The following ZNF490 variants were observed in gnomAD, a reference collection of about 807,000 sequenced individuals.
ZNF490 encodes the protein zinc finger protein 490.
In ZNF490, 11 loss-of-function variants were observed where a neutral mutation model predicts 17.7. The observed-to-expected ratio is 0.62, with a 90% confidence interval of 0.39 to 1.03. The LOEUF is 1.03. Among genes scored for constraint, ZNF490 ranks in the 50% least tolerant of loss-of-function variants. ZNF490 has a pLI of 0.00. For synonymous variants in ZNF490, 222 were observed against 216.1 expected, an observed-to-expected ratio of 1.03 and a Z score of -0.24; for missense variants, 542 against 643.4, an observed-to-expected ratio of 0.84 and a Z score of 1.71.
At chr19:12,594,369 G>A (rs953468626) in intron 2 of ZNF490, among the ~76,000 whole-genome samples, 1 of 152,030 alleles carries the variant, frequency 6.6e-6, no homozygotes. Flanking sequence ...TGGAGGCTGA[G>A]GTAGGAGAAT....
intron 1 of ZNF490, 133 bp from the exon 2 acceptor site, chr19:12,609,335 G>C: frequency 1.4e-6 from 1 of 719,016 alleles, no homozygotes. Flanking sequence ...GGTGGATCAT[G>C]GGAGTTTTCA....
rs147000880 is a variant in ZNF490 at position 12,608,457 on chromosome 19, G to GTATTTATT, written c.162+693_162+700dup. Among the ~76,000 whole-genome samples, 16 of 149,672 alleles carry GTATTTATT rather than the reference G, an allele frequency of 1.1e-4. No homozygotes were observed. In the South Asian group the frequency reaches 1.9e-3, roughly 18 times the overall value. On this transcript the variant is annotated intron_variant, in intron 2 of 4. Transcript: ENST00000311437. ...TAATTTTTTATCTTTATTTATTTATGTATTTATTTATTTATTTATTTATTT... is the reference window on the plus strand; with the variant it reads ...TAATTTTTTATCTTTATTTATTTATGTATTTATTTATTTATTTATTTATTTATTTATTT...
At chr19:12,583,755 C>T (rs1467331658) in intron 2 of ZNF490, among the ~76,000 whole-genome samples, 199 bp from the exon 3 acceptor site, 1 of 45,802 alleles carries the variant, frequency 2.2e-5, no homozygotes, top group Non-Finnish European at 4.7e-5. Context: ...AAAATTATTG[C>T]GCTCTCTCTC....
At chr19:12,583,811 A>ATATATATATAT (rs1290469134) in intron 2 of ZNF490, among the ~76,000 whole-genome samples, 4 of 78,654 alleles carry the variant, frequency 5.1e-5, no homozygotes, top group Non-Finnish European at 9.1e-5. Flanking sequence ...ATATATATAT[A>ATATATATATAT]TTTTTTTTTT....
chr19:12,598,923 G>A (rs904296221), intron 2 of ZNF490, among the ~76,000 whole-genome samples: 5 of 150,998 alleles, frequency 3.3e-5, no homozygotes, highest in African/African-American at 7.3e-5. Flanking sequence ...GGAGGCAGAG[G>A]TTGCGGTGAG....
intron 2 of ZNF490, among the ~76,000 whole-genome samples, chr19:12,583,897 G>A (rs1231072510): frequency 2.8e-5 from 4 of 144,346 alleles, no homozygotes; most frequent in Non-Finnish European, 6.0e-5. Context: ...TGAAAGCTCC[G>A]CCTCCTGGGT....
chr19:12,610,445 G>A lies in ZNF490; in HGVS notation c.117+119C>T, dbSNP rs187184068. The A allele has an allele frequency of 1.5e-4, 127 of 869,170 alleles. No individual in the cohort carries two copies. The East Asian group carries it at 2.7e-3, about 18-fold the overall frequency. The allele number at this position is 869,170 out of a possible 1,614,324, so 53.8% of individuals were successfully genotyped here. A position where few individuals can be genotyped will look rare whatever the true frequency, so the allele number is the denominator to read the frequency against. ...AAGGTGGACGCCTCAACGCTGTTAT[G>A]GTCAAAGATTAAAATGCAACCACAC... On this transcript the variant is annotated intron_variant, in intron 1 of 4. Coordinates refer to ENST00000311437, the MANE Select transcript of ZNF490 (RefSeq NM_020714.3).
chr19:12,601,433 C>A (rs1463217754), intron 2 of ZNF490, among the ~76,000 whole-genome samples: 1 of 151,776 alleles, frequency 6.6e-6, no homozygotes, highest in Non-Finnish European at 1.5e-5. Context: ...ACTCTGTCAC[C>A]CAGGCTAGAC....
chr19:12,600,186 C>G (rs1455976279), intron 2 of ZNF490, among the ~76,000 whole-genome samples: 1 of 151,768 alleles, frequency 6.6e-6, no homozygotes. Flanking sequence ...CATGGTGAAA[C>G]CCCGTCTCTA....
rs1434599955 is a variant in ZNF490 at position 12,581,723 on chromosome 19, T to G, written c.352A>C (p.Ser118Arg). The G allele has an allele frequency of 1.9e-6, 3 of 1,600,440 alleles. No homozygotes were observed. The change falls in exon 5 of 5, where the codon AGT (serine) becomes CGT (arginine). Residue 118 changes from serine to arginine, a missense_variant and splice_region_variant. By Grantham distance (110) the Ser-to-Arg change is moderately radical. Transcript: ENST00000311437. ...EHKNQGRNLR[S>R]PMVEALCENK... ...TCACAGAGTGCTTCAACCATAGGAC[T>G]TCTGTAAAGAATGAGTACCGTATTA...
intron 2 of ZNF490, among the ~76,000 whole-genome samples, chr19:12,590,960 A>G (rs1221667157): frequency 6.6e-6 from 1 of 152,066 alleles, no homozygotes; most frequent in Non-Finnish European, 1.5e-5. Context: ...AGAAAAATTA[A>G]ATGAAAATAG....
chr19:12,609,293 G>T, intron 1 of ZNF490, 91 bp from the exon 2 acceptor site: 1 of 1,073,092 alleles, frequency 9.3e-7, no homozygotes, highest in Non-Finnish European at 1.4e-6. Flanking sequence ...TGTTCCCCCT[G>T]CATCTACCTG....
At chr19:12,594,959 C>T (rs1448518351) in intron 2 of ZNF490, among the ~76,000 whole-genome samples, 2 of 152,094 alleles carry the variant, frequency 1.3e-5, no homozygotes, top group African/African-American at 4.8e-5. Flanking sequence ...AAAATTAATT[C>T]AGAACTAGGC....
intron 2 of ZNF490, among the ~76,000 whole-genome samples, chr19:12,596,865 A>G (rs1408913426): frequency 6.6e-6 from 1 of 152,186 alleles, no homozygotes; most frequent in Non-Finnish European, 1.5e-5. Flanking sequence ...TTCTGACCCA[A>G]ATGGATTCTC....
chr19:12,602,113 CACACACACACACACAT>C (rs1371838707), intron 2 of ZNF490, among the ~76,000 whole-genome samples: 18 of 150,896 alleles, frequency 1.2e-4, no homozygotes, highest in African/African-American at 2.2e-4. Flanking sequence ...CACACACACA[CACACACACACACACAT>C]ATATGGGCCT....
chr19:12,583,756 GCTCTCTCTCTCTCTCTCT>G (rs1195574032), intron 2 of ZNF490, among the ~76,000 whole-genome samples, 200 bp from the exon 3 acceptor site: 1 of 29,746 alleles, frequency 3.4e-5, no homozygotes, highest in Non-Finnish European at 7.0e-5. Context: ...AAATTATTGC[GCTCTCTCTCTCTCTCTCT>G]CTCTCTCTCT....
At chr19:12,581,767 T>C (rs2022738491) in intron 4 of ZNF490, 43 bp from the exon 5 acceptor site, 4 of 1,474,340 alleles carry the variant, frequency 2.7e-6, no homozygotes, top group Non-Finnish European at 3.7e-6. Flanking sequence ...TTTGTATTAA[T>C]GATCTTATAT....
At chr19:12,592,478 T>A (rs924267414) in intron 2 of ZNF490, among the ~76,000 whole-genome samples, 7 of 151,918 alleles carry the variant, frequency 4.6e-5, no homozygotes, top group Non-Finnish European at 8.8e-5. Context: ...AATGGTTATA[T>A]ACTGTGTAGT....
intron 2 of ZNF490, among the ~76,000 whole-genome samples, chr19:12,594,540 A>G (rs2042946): frequency 0.64 from 97,685 of 151,962 alleles, 32,303 homozygotes; most frequent in African/African-American, 0.7. Context: ...AGTGCCTGCC[A>G]TATGGCAACT....
Sources: gnomAD v4.1 joint callset for allele counts (sites outside exome capture counted in the v4.1 genomes callset) on GRCh38, gnomAD v4.1.1 for gene constraint, MANE v1.5 for transcripts, NCBI Gene and HGNC (gene_info 2026-07-23, HGNC 2026-07-21) for gene names.